Variants in RBM5 observed in about 807,000 individuals in gnomAD.
RBM5 encodes RNA binding motif protein 5.
Under a neutral mutation model 124.6 loss-of-function variants are expected in RBM5, and 15 were observed. The observed-to-expected ratio is 0.12, with a 90% CI of 0.08 to 0.19. The LOEUF is 0.19. RBM5 is among the 10% of genes least tolerant of loss of function. The pLI is 1.00. For missense variants in RBM5, 580 were observed against 1,026.5 expected, an observed-to-expected ratio of 0.57 and a Z score of 5.94; for synonymous variants, 337 against 361.2, an observed-to-expected ratio of 0.93 and a Z score of 0.76.
chr3:50,117,459 C>T lies in RBM5; in HGVS notation c.2322+80C>T. ...GATGAGATCAGAGCACTCATAGAGCCTGGGAGCCAGGAGCAGCTTTACCTT... is the reference window on the plus strand; with the variant it reads ...GATGAGATCAGAGCACTCATAGAGCTTGGGAGCCAGGAGCAGCTTTACCTT... On this transcript the variant is annotated intron_variant, in intron 24 of 24. Coordinates refer to ENST00000347869, the MANE Select transcript of RBM5 (RefSeq NM_005778.4). This position sits in a 1 kb window ranked among gnomAD's most constrained non-coding sequence, Gnocchi z 4.2. 2 of 1,574,216 alleles carry T rather than the reference C, an allele frequency of 1.3e-6. No homozygotes were observed. Among genetic ancestry groups the T allele is most frequent in the East Asian group, 2.3e-5 (1 of 44,338 alleles).
chr3:50,103,418 G>T (rs566545285), intron 7 of RBM5, among the ~76,000 whole-genome samples: 1 of 152,196 alleles, frequency 6.6e-6, no homozygotes, highest in Non-Finnish European at 1.5e-5. Context: ...AGGCCAAGGC[G>T]GGTAGATAGC....
intron 4 of RBM5, among the ~76,000 whole-genome samples, chr3:50,098,700 C>T (rs1022152283): frequency 3.3e-5 from 5 of 152,024 alleles, no homozygotes; most frequent in Non-Finnish European, 7.3e-5. Context: ...CCTTGGCCCC[C>T]CAAAGTGCTG....
Position 50,109,684 on chromosome 3 carries a change from C to G in RBM5, c.1274C>G (p.Ser425Cys), listed in dbSNP as rs369465782. The G allele has an allele frequency of 5.6e-6, 9 of 1,612,160 alleles. No homozygotes were observed. Among genetic ancestry groups the G allele is most frequent in the South Asian group, 1.1e-5 (1 of 91,048 alleles). The change falls in exon 15 of 25, where the codon TCT (serine) becomes TGT (cysteine). Residue 425 changes from serine (S) to cysteine (C), a missense_variant. Ser to Cys is a moderately radical substitution (Grantham distance 112). Coordinates refer to ENST00000347869, the MANE Select transcript of RBM5 (RefSeq NM_005778.4). ...AATCAAACCTCCAATCCACCTGGCT[C>G]TCCGGTAATCCTGTTGTCCTATATA... ...LYNQTSNPPG[S>C]PTEEAQPSTS... is the part of the protein sequence containing the mutation.
chr3:50,100,058 G>C lies in RBM5; in HGVS notation c.409+7G>C. On this transcript the variant is annotated splice_region_variant and intron_variant, in intron 5 of 24. Coordinates refer to ENST00000347869, the MANE Select transcript of RBM5 (RefSeq NM_005778.4). This position sits in a 1 kb window ranked among gnomAD's most constrained non-coding sequence, Gnocchi z 5.1. ...CTGATGAAGAGGAAAACAGGTGAGA[G>C]CTTGCTTAGTTCCTGATATTATTGT... The C allele has an allele frequency of 1.2e-6, 2 of 1,612,498 alleles. No homozygotes were observed. Among genetic ancestry groups the C allele is most frequent in the Non-Finnish European group, 1.7e-6 (2 of 1,179,128 alleles).
chr3:50,109,085 T>C (rs770062476), intron 14 of RBM5, among the ~76,000 whole-genome samples: 2 of 152,206 alleles, frequency 1.3e-5, no homozygotes, highest in Non-Finnish European at 2.9e-5. Context: ...TCTCTTCTTT[T>C]TTTTTTGAGA....
chr3:50,106,659 T>C, intron 10 of RBM5, 108 bp from the exon 11 acceptor site: 1 of 753,098 alleles, frequency 1.3e-6, no homozygotes, highest in Middle Eastern at 2.7e-4. Flanking sequence ...AATAAGGAAT[T>C]AATTGCCTTT....
chr3:50,108,682 G>C (rs1479330160), intron 14 of RBM5, among the ~76,000 whole-genome samples: 2 of 152,222 alleles, frequency 1.3e-5, no homozygotes, highest in African/African-American at 4.8e-5. Context: ...ACTCCAGCCT[G>C]GGCGACAGAG....
chr3:50,116,909 C>A, intron 22 of RBM5, 165 bp from the exon 23 acceptor site: 2 of 625,688 alleles, frequency 3.2e-6, no homozygotes, highest in Non-Finnish European at 5.6e-6. Context: ...TCAGATATGA[C>A]TAGGTATGAT....
At chr3:50,096,921 C>A (rs2090829606) in intron 4 of RBM5, among the ~76,000 whole-genome samples, 1 of 151,972 alleles carries the variant, frequency 6.6e-6, no homozygotes, top group South Asian at 2.1e-4. Flanking sequence ...GTAGATGGGC[C>A]CTTCAGGCGG....
chr3:50,102,406 C>T (rs1426578782), intron 6 of RBM5: 1 of 152,036 alleles, frequency 6.6e-6, no homozygotes, highest in Non-Finnish European at 1.5e-5. Flanking sequence ...GAAGAGAGTA[C>T]CATCCATTTT....
chr3:50,105,027 G>C (rs1213418592), intron 8 of RBM5, 50 bp from the exon 9 acceptor site: 1 of 1,299,992 alleles, frequency 7.7e-7, no homozygotes, highest in African/African-American at 1.5e-5. Flanking sequence ...TATTTCTTTG[G>C]TGAAAATACA....
At chr3:50,104,346 A>C (rs963326368) in intron 8 of RBM5, 38 bp downstream of exon 8, 3 of 1,592,270 alleles carry the variant, frequency 1.9e-6, no homozygotes, top group Non-Finnish European at 1.7e-6. Context: ...ATGCATTAAA[A>C]CCTACTAACT....
rs189692292 is a variant in RBM5, at chr3:50,088,992, G to A, written c.-91G>A. ...GCCGAACCTTGTTGGAGGTTCTGGG[G>A]CGCAGAACCGCTACTGCTGCTTCGG... is the stretch of plus-strand genomic sequence containing the variant. On this transcript the variant is annotated 5_prime_UTR_variant, in exon 1 of 25. Coordinates refer to ENST00000347869, the MANE Select transcript of RBM5 (RefSeq NM_005778.4). The A allele has an allele frequency of 2.6e-4, 40 of 152,412 alleles. 1 individual carries two copies. The highest frequency in any genetic ancestry group is 7.2e-4 in the African/African-American group (30 of 41,584). The allele number at this position is 152,412 out of a possible 1,614,324, so 9.4% of individuals were successfully genotyped here. A position where few individuals can be genotyped will look rare whatever the true frequency, so the allele number is the denominator to read the frequency against.
chr3:50,092,143 A>G lies in RBM5; in HGVS notation c.118A>G (p.Lys40Glu). 5 of 1,614,150 alleles carry G rather than the reference A, an allele frequency of 3.1e-6. No individual in the cohort carries two copies. Among genetic ancestry groups the G allele is most frequent in the African/African-American group, 1.3e-5 (1 of 75,026 alleles). ...AAGCAGGCGGAGGGACTCAGATTAC[A>G]AAAGATCTAGTGATGATCGGAGGGG... The part of the protein sequence containing the change: ...SRSRRRDSDY[K>E]RSSDDRRGDR... The change falls in exon 3 of 25, where the codon AAA becomes GAA. Residue 40 changes from lysine to glutamate, a missense_variant. Lys to Glu is a moderately conservative substitution (Grantham distance 56). Coordinates refer to ENST00000347869, the MANE Select transcript of RBM5 (RefSeq NM_005778.4).
chr3:50,091,765 A>C (rs2108983740), intron 2 of RBM5, among the ~76,000 whole-genome samples: 1 of 152,338 alleles, frequency 6.6e-6, no homozygotes, highest in African/African-American at 2.4e-5. Context: ...CAAAATGCAA[A>C]AATAAACTTG....
chr3:50,092,702 A>C, intron 3 of RBM5: 1 of 451,178 alleles, frequency 2.2e-6, no homozygotes, highest in South Asian at 1.6e-5. Flanking sequence ...TTTAAAGATG[A>C]AACAATGGGG....
chr3:50,092,046 G>A lies in RBM5; in HGVS notation c.21G>A (p.Val7=), dbSNP rs748997386. 3.1e-6 allele frequency: 5 copies of A among 1,614,020 alleles called. No homozygotes were observed. Among genetic ancestry groups the A allele is most frequent in the Non-Finnish European group, 4.2e-6 (5 of 1,179,920 alleles). ...TGAAAATTATTTTCCCTGGCAGAGT[G>A]AGTAGAACAGAGCGTAGTGGAAGAT... MGSDKR[V]SRTERSGRYG... The change falls in exon 3 of 25, where the codon GTG becomes GTA. Residue 7 remains valine, a synonymous_variant. Coordinates refer to ENST00000347869, the MANE Select transcript of RBM5 (RefSeq NM_005778.4).
At chr3:50,097,269 G>C (rs1043158126) in intron 4 of RBM5, among the ~76,000 whole-genome samples, 1 of 152,042 alleles carries the variant, frequency 6.6e-6, no homozygotes, top group Non-Finnish European at 1.5e-5. Flanking sequence ...GGTGGCGGGC[G>C]CCTGTAGTCC....
In RBM5 at chr3:50,100,721, G is replaced by A; in HGVS notation, c.483+116G>A. ...GGAGTGACTTTTTTTTAAAAAAAAA[G>A]CTTTGTATATATTAAAATTGATGTT... On this transcript the variant is annotated intron_variant, in intron 6 of 24. Transcript: ENST00000347869. The surrounding 1 kb of genome is among the most constrained non-coding windows in gnomAD (Gnocchi z 5.1). 1 of 738,400 alleles carries A rather than the reference G, an allele frequency of 1.4e-6. No homozygotes were observed. Among genetic ancestry groups the A allele is most frequent in the Non-Finnish European group, 2.1e-6 (1 of 465,516 alleles). The allele number at this position is 738,400 out of a possible 1,614,324, so 45.7% of individuals were successfully genotyped here. A position where few individuals can be genotyped will look rare whatever the true frequency, so the allele number is the denominator to read the frequency against.
Sources: gnomAD v4.1 joint callset for allele counts (sites outside exome capture counted in the v4.1 genomes callset) on GRCh38, gnomAD v4.1.1 for gene constraint, Gnocchi (gnomAD v3.1) non-coding constraint, MANE v1.5 for transcripts, NCBI Gene and HGNC (gene_info 2026-07-23, HGNC 2026-07-21) for gene names.